Variants in NTM observed in about 807,000 individuals in gnomAD.
NTM encodes the protein neurotrimin, also known as IgLON family member 2.
NTM carries 13 observed loss-of-function variants against 42.1 expected under a neutral mutation model. The ratio of observed to expected loss-of-function variants is 0.31; its 90% CI spans 0.20 to 0.49. NTM has a LOEUF of 0.49. Ranked by LOEUF, NTM falls within the 20% of genes least tolerant of loss-of-function variation. The pLI, the probability that NTM is intolerant of heterozygous loss-of-function variation, is 0.99. For synonymous variants in NTM, 187 were observed against 179.2 expected (o/e 1.04, Z -0.35); for missense variants, 373 against 452.8 (o/e 0.82, Z 1.60).
chr11:131,968,696 C>T (rs1380711962), intron 2 of NTM, among the ~76,000 whole-genome samples: 1 of 152,188 alleles, frequency 6.6e-6, no homozygotes, highest in African/African-American at 2.4e-5. Flanking sequence ...GGGGTTATTG[C>T]TGGGATATTT....
At chr11:131,717,926 G>A (rs1230882876) in intron 1 of NTM, among the ~76,000 whole-genome samples, 2 of 152,150 alleles carry the variant, frequency 1.3e-5, no homozygotes, top group Non-Finnish European at 2.9e-5. Context: ...AGGAACAGAT[G>A]TTACAGTTTG....
At chr11:132,308,403 A>G (rs557852345) in intron 5 of NTM, among the ~76,000 whole-genome samples, 2 of 152,306 alleles carry the variant, frequency 1.3e-5, no homozygotes, top group African/African-American at 4.8e-5. Flanking sequence ...AAAAGTTTGG[A>G]AGGTGCTGTG....
chr11:132,201,720 C>G (rs907493347), intron 3 of NTM, among the ~76,000 whole-genome samples: 5 of 152,222 alleles, frequency 3.3e-5, no homozygotes, highest in Non-Finnish European at 5.9e-5. Flanking sequence ...ACCACTAATT[C>G]ATTGAACTCT....
intron 1 of NTM, among the ~76,000 whole-genome samples, chr11:131,728,096 A>G (rs2079171907): frequency 6.6e-6 from 1 of 152,108 alleles, no homozygotes; most frequent in South Asian, 2.1e-4. Flanking sequence ...GTGGAATGTA[A>G]AGACGTGAGT....
chr11:131,867,755 C>T (rs1241306004), intron 1 of NTM, among the ~76,000 whole-genome samples: 2 of 151,964 alleles, frequency 1.3e-5, no homozygotes, highest in Non-Finnish European at 2.9e-5. Flanking sequence ...TATGTATATG[C>T]CTGTGTGTAT....
At chr11:131,964,511 TTATTAA>T (rs1264106724) in intron 2 of NTM, among the ~76,000 whole-genome samples, 2 of 152,176 alleles carry the variant, frequency 1.3e-5, no homozygotes, top group Admixed American at 6.5e-5. Flanking sequence ...AAGTGTCTAA[TTATTAA>T]TATTAAGCAA....
chr11:132,115,492 T>C (rs2063754492), intron 2 of NTM, among the ~76,000 whole-genome samples: 2 of 152,076 alleles, frequency 1.3e-5, no homozygotes, highest in African/African-American at 2.4e-5. Flanking sequence ...ACAATAAGAT[T>C]AGGGCCGAAA....
At chr11:131,560,778 A>G (rs766590296) in intron 1 of NTM, among the ~76,000 whole-genome samples, 65 of 152,160 alleles carry the variant, frequency 4.3e-4, no homozygotes, top group Admixed American at 5.9e-4. Flanking sequence ...TGAATCTATT[A>G]CTTACTGTGT....
intron 1 of NTM, among the ~76,000 whole-genome samples, chr11:131,902,757 G>A (rs2053350447): frequency 6.6e-6 from 1 of 152,178 alleles, no homozygotes; most frequent in African/African-American, 2.4e-5. Context: ...AATATTGATT[G>A]ATTTCAGGGA....
At chr11:131,815,465 G>A (rs146791204) in intron 1 of NTM, among the ~76,000 whole-genome samples, 125 of 152,296 alleles carry the variant, frequency 8.2e-4, no homozygotes, top group African/African-American at 2.5e-3. Flanking sequence ...CAAGCTTCCA[G>A]CAGGGTTCTG....
chr11:131,870,277 G>T (rs1219456389), intron 1 of NTM, among the ~76,000 whole-genome samples: 6 of 152,198 alleles, frequency 3.9e-5, no homozygotes, highest in Non-Finnish European at 7.3e-5. Context: ...TCTTGGGAAA[G>T]CTACTTTAAT....
intron 1 of NTM, among the ~76,000 whole-genome samples, chr11:131,607,038 C>T (rs1472230082): frequency 6.6e-6 from 1 of 152,210 alleles, no homozygotes; most frequent in East Asian, 1.9e-4. Flanking sequence ...GGGTAATCCC[C>T]TTTGATGCCC....
intron 2 of NTM, among the ~76,000 whole-genome samples, chr11:132,076,580 A>G (rs1431894179): frequency 6.6e-6 from 1 of 152,220 alleles, no homozygotes; most frequent in African/African-American, 2.4e-5. Flanking sequence ...TCAGTTGACA[A>G]TAAGTTCTAT....
At chr11:132,188,375 T>G (rs1425665193) in intron 3 of NTM, among the ~76,000 whole-genome samples, 1 of 152,142 alleles carries the variant, frequency 6.6e-6, no homozygotes, top group African/African-American at 2.4e-5. Flanking sequence ...CTCCAGGCCA[T>G]GCAAGGCTTG....
At chr11:132,070,665 C>T (rs1197059851) in intron 2 of NTM, among the ~76,000 whole-genome samples, 4 of 136,692 alleles carry the variant, frequency 2.9e-5, no homozygotes, top group African/African-American at 8.1e-5. Context: ...TTAGTTAACA[C>T]GTCACACAGC....
At chr11:132,308,588 G>A (rs956617098) in intron 5 of NTM, among the ~76,000 whole-genome samples, 2 of 152,018 alleles carry the variant, frequency 1.3e-5, no homozygotes, top group East Asian at 3.9e-4. Flanking sequence ...GAAGACTTAC[G>A]AAGCAATAGA....
At chr11:132,240,880 C>T (rs1159340040) in intron 4 of NTM, among the ~76,000 whole-genome samples, 1 of 152,132 alleles carries the variant, frequency 6.6e-6, no homozygotes, top group Admixed American at 6.5e-5. Flanking sequence ...GTTGAACATC[C>T]CTGATTAGAA....
chr11:132,001,986 G>T (rs894130552), intron 2 of NTM, among the ~76,000 whole-genome samples: 1 of 152,166 alleles, frequency 6.6e-6, no homozygotes, highest in Non-Finnish European at 1.5e-5. Flanking sequence ...GATATGGAGA[G>T]GTGAAGCCTC....
At chr11:131,900,169 G>GC (rs1460664998) in intron 1 of NTM, among the ~76,000 whole-genome samples, 2 of 152,226 alleles carry the variant, frequency 1.3e-5, no homozygotes, top group African/African-American at 4.8e-5. Context: ...CGACAACTCA[G>GC]CCCGAGACCA....
Sources: gnomAD v4.1 joint callset for allele counts (sites outside exome capture counted in the v4.1 genomes callset) on GRCh38, gnomAD v4.1.1 for gene constraint, MANE v1.5 for transcripts, NCBI Gene and HGNC (gene_info 2026-07-23, HGNC 2026-07-21) for gene names.